KCNQ5: variants seen among roughly 807,000 people sequenced by gnomAD.
The protein encoded by KCNQ5 is potassium voltage-gated channel subfamily Q member 5, also known as potassium voltage-gated channel subfamily KQT member 5.
KCNQ5 carries 30 observed loss-of-function variants against 98.2 expected under a neutral mutation model. That is an observed-to-expected ratio of 0.31 (90% CI 0.23 to 0.41). The LOEUF (loss-of-function observed/expected upper bound fraction) is 0.41. Ranked by LOEUF, KCNQ5 falls within the 10% of genes least tolerant of loss-of-function variation. The pLI, the probability that KCNQ5 is intolerant of heterozygous loss-of-function variation, is 1.00. For missense variants in KCNQ5, 835 were observed against 1,182.5 expected, an observed-to-expected ratio of 0.71 and a Z score of 4.31; for synonymous variants, 458 against 449.4, an observed-to-expected ratio of 1.02 and a Z score of -0.24.
intron 1 of KCNQ5, among the ~76,000 whole-genome samples, chr6:72,714,994 GA>G (rs749229444): frequency 6.6e-6 from 1 of 152,126 alleles, no homozygotes; most frequent in Non-Finnish European, 1.5e-5. Flanking sequence ...AACTGGATGA[GA>G]TTTTTTTAAT....
At chr6:73,121,567 C>T (rs968098129) in intron 8 of KCNQ5, among the ~76,000 whole-genome samples, 1 of 152,156 alleles carries the variant, frequency 6.6e-6, no homozygotes, top group African/African-American at 2.4e-5. Context: ...TTTGAGAGCA[C>T]CAGCTGCTTT....
intron 1 of KCNQ5, among the ~76,000 whole-genome samples, chr6:72,837,971 A>T (rs1356289056): frequency 2.0e-5 from 3 of 151,346 alleles, no homozygotes; most frequent in Non-Finnish European, 4.4e-5. Context: ...TTATTATTAT[A>T]CTTTAAGTTT....
chr6:72,978,288 C>T (rs746391145), intron 1 of KCNQ5, among the ~76,000 whole-genome samples: 2 of 152,216 alleles, frequency 1.3e-5, no homozygotes, highest in Non-Finnish European at 2.9e-5. Context: ...ACAGAAACAG[C>T]TTGCAAAAGC....
chr6:73,141,406 T>C (rs570584636), intron 10 of KCNQ5, among the ~76,000 whole-genome samples: 7 of 152,326 alleles, frequency 4.6e-5, no homozygotes, highest in Non-Finnish European at 8.8e-5. Context: ...AAATGCTTGT[T>C]CTTAGTTTTT....
At chr6:72,644,608 A>G (rs1765494141) in intron 1 of KCNQ5, among the ~76,000 whole-genome samples, 1 of 152,214 alleles carries the variant, frequency 6.6e-6, no homozygotes, top group South Asian at 2.1e-4. Context: ...GCATGTATGC[A>G]TGTATATAAA....
chr6:72,985,803 T>C (rs564758802), intron 1 of KCNQ5, among the ~76,000 whole-genome samples: 3 of 152,204 alleles, frequency 2.0e-5, no homozygotes, highest in Non-Finnish European at 4.4e-5. Flanking sequence ...GCAATACCAT[T>C]ACTGGCTATA....
chr6:72,844,136 C>T (rs557864471), intron 1 of KCNQ5, among the ~76,000 whole-genome samples: 2 of 152,240 alleles, frequency 1.3e-5, no homozygotes, highest in South Asian at 2.1e-4. Flanking sequence ...GTGTTCTGCA[C>T]ATATATCCCA....
chr6:72,641,308 C>A (rs2098927067), intron 1 of KCNQ5, among the ~76,000 whole-genome samples: 1 of 151,978 alleles, frequency 6.6e-6, no homozygotes, highest in African/African-American at 2.4e-5. Flanking sequence ...ATCAGCATCA[C>A]ACACACACAC....
At chr6:73,174,585 T>A (rs1252702308) in intron 11 of KCNQ5, among the ~76,000 whole-genome samples, 1 of 152,208 alleles carries the variant, frequency 6.6e-6, no homozygotes. Flanking sequence ...AAGTCTTTAG[T>A]TGAAGCTGAC....
intron 1 of KCNQ5, among the ~76,000 whole-genome samples, chr6:72,769,547 C>T (rs915788650): frequency 1.3e-5 from 2 of 151,446 alleles, no homozygotes; most frequent in Admixed American, 6.6e-5. Context: ...TTTTTTAAAG[C>T]TCTGTAGCTG....
chr6:72,766,787 CA>C (rs1772595690), intron 1 of KCNQ5, among the ~76,000 whole-genome samples: 1 of 151,802 alleles, frequency 6.6e-6, no homozygotes, highest in African/African-American at 2.4e-5. Flanking sequence ...CAAATGTTTG[CA>C]TTTGGGCATG....
Position 73,195,292 on chromosome 6 carries a change from GC to G in KCNQ5, c.2679del (p.Arg894GlyfsTer10), listed in dbSNP as rs1421278780. 43 of 1,614,072 alleles carry G rather than the reference GC, an allele frequency of 2.7e-5. No homozygotes were observed. Among genetic ancestry groups the G allele is most frequent in the Non-Finnish European group, 3.6e-5 (43 of 1,180,038 alleles). ...CACTTTTGATGCCGCACCGCAGCCT[GC>G]CAGGGAAGCTGCCTTTGCATCAGAC... ...TDTFDAAPQP[A>X]REAAFASDSL... On this transcript the variant is annotated frameshift_variant, in exon 14 of 14. Transcript: ENST00000370398. LOFTEE classifies it high-confidence loss of function.
chr6:72,792,391 ATCT>A (rs1774100514), intron 1 of KCNQ5, among the ~76,000 whole-genome samples: 1 of 152,322 alleles, frequency 6.6e-6, no homozygotes, highest in Middle Eastern at 3.4e-3. Context: ...TAATAGAGAC[ATCT>A]TCTTGTATCA....
At chr6:73,115,961 T>C (rs1775472863) in intron 7 of KCNQ5, among the ~76,000 whole-genome samples, 1 of 152,198 alleles carries the variant, frequency 6.6e-6, no homozygotes, top group African/African-American at 2.4e-5. Context: ...AGGAGAAAGA[T>C]CTTCAAGGAA....
intron 1 of KCNQ5, among the ~76,000 whole-genome samples, chr6:72,670,230 G>A (rs1360591871): frequency 5.3e-5 from 8 of 152,030 alleles, no homozygotes; most frequent in Admixed American, 3.9e-4. Flanking sequence ...GACCTTTAAC[G>A]TCCATATTTT....
chr6:72,841,065 G>C (rs944079447), intron 1 of KCNQ5, among the ~76,000 whole-genome samples: 1 of 152,086 alleles, frequency 6.6e-6, no homozygotes. Context: ...ATTACAATAC[G>C]TAATATAGAA....
chr6:73,062,889 C>T (rs980238526), intron 3 of KCNQ5, among the ~76,000 whole-genome samples: 3 of 151,984 alleles, frequency 2.0e-5, no homozygotes, highest in African/African-American at 7.3e-5. Flanking sequence ...GACTCCAAAT[C>T]TGTGCTTGGA....
At chr6:72,828,587 CT>C (rs1303012773) in intron 1 of KCNQ5, among the ~76,000 whole-genome samples, 1 of 152,094 alleles carries the variant, frequency 6.6e-6, no homozygotes, top group Admixed American at 6.6e-5. Flanking sequence ...TGCAACTTTA[CT>C]GAATTCGTTT....
rs775342463 is a variant in KCNQ5, at chr6:73,111,301, G to A, written c.1030-7G>A. The stretch of plus-strand genomic sequence containing the variant: ...TTTTTGAGTGCCATTTTTGTATTTT[G>A]TTCCAGGGCATTCTTGGCTCAGGTT... On this transcript the variant is annotated splice_region_variant and splice_polypyrimidine_tract_variant and intron_variant, in intron 6 of 13. Coordinates refer to ENST00000370398, the MANE Select transcript of KCNQ5 (RefSeq NM_019842.4). The A allele has an allele frequency of 4.4e-6, 7 of 1,603,128 alleles. No individual in the cohort carries two copies. The Admixed American group carries it at 1.2e-4, about 28-fold the overall frequency.
Sources: gnomAD v4.1 joint callset for allele counts (sites outside exome capture counted in the v4.1 genomes callset) on GRCh38, gnomAD v4.1.1 for gene constraint, MANE v1.5 for transcripts, NCBI Gene and HGNC (gene_info 2026-07-23, HGNC 2026-07-21) for gene names.